Variants in TDRD3 observed in about 807,000 individuals in gnomAD.
TDRD3 encodes the protein tudor domain-containing protein 3.
Under a neutral mutation model 86.7 loss-of-function variants are expected in TDRD3, and 45 were observed. The observed-to-expected ratio is 0.52, with a 90% CI of 0.41 to 0.67. The LOEUF is 0.67. Ranked by LOEUF, TDRD3 falls within the 30% of genes least tolerant of loss-of-function variation. TDRD3 has a pLI of 0.00. For synonymous variants in TDRD3, 298 were observed against 301.7 expected, an observed-to-expected ratio of 0.99 and a Z score of 0.13; for missense variants, 814 against 889.0, an observed-to-expected ratio of 0.92 and a Z score of 1.07.
intron 10 of TDRD3, among the ~76,000 whole-genome samples, chr13:60,525,109 A>AC (rs1242554690): frequency 7.6e-5 from 10 of 131,134 alleles, no homozygotes; most frequent in African/African-American, 1.4e-4. Flanking sequence ...AAAAAAAAAA[A>AC]CCCCACAATT....
chr13:60,472,695 T>C (rs1956097850), intron 5 of TDRD3, among the ~76,000 whole-genome samples: 1 of 152,210 alleles, frequency 6.6e-6, no homozygotes, highest in Non-Finnish European at 1.5e-5. Context: ...AAAACAGGTC[T>C]TGAAGAAATA....
chr13:60,562,023 A>T (rs1958345963), intron 12 of TDRD3, among the ~76,000 whole-genome samples: 1 of 152,082 alleles, frequency 6.6e-6, no homozygotes, highest in African/African-American at 2.4e-5. Flanking sequence ...AGAGAATAAG[A>T]GCTGAGGCTG....
At chr13:60,545,627 T>C (rs1271598858) in intron 12 of TDRD3, among the ~76,000 whole-genome samples, 1 of 151,996 alleles carries the variant, frequency 6.6e-6, no homozygotes, top group Non-Finnish European at 1.5e-5. Context: ...AGGCTGAAAA[T>C]AATGTGGAGA....
Position 60,467,518 on chromosome 13 carries a change from T to C in TDRD3, c.495+139T>C, listed in dbSNP as rs1955973428. Reference sequence around the variant, plus strand: ...GGAATATGATTATCTTTAGAGAAACTATCTTTGTCTAAGTGTATTGTTTCT... The same window carrying C: ...GGAATATGATTATCTTTAGAGAAACCATCTTTGTCTAAGTGTATTGTTTCT... On this transcript the variant is annotated intron_variant, in intron 5 of 13. Coordinates refer to ENST00000377881, the MANE Select transcript of TDRD3 (RefSeq NM_001146070.2). 3.3e-6 allele frequency: 3 copies of C among 915,390 alleles called. No homozygotes were observed. In the African/African-American group the frequency reaches 5.1e-5, roughly 16 times the overall value. 56.7% of individuals were successfully genotyped at this position (915,390 alleles called of 1,614,324 possible). A position where few individuals can be genotyped will look rare whatever the true frequency, so the allele number is the denominator to read the frequency against.
rs565371323 is a variant in TDRD3 at position 60,544,802 on chromosome 13, A to T, written c.2118+9569A>T. 1.8e-4 allele frequency among the ~76,000 whole-genome samples: 28 copies of T among 152,340 alleles called. 1 individual carries two copies. Among genetic ancestry groups the T allele is most frequent in the African/African-American group, 6.7e-4 (28 of 41,582 alleles). Reference sequence around the variant, plus strand: ...CTCCAGAGCTCACTTGAGAGATTTCAAAGTGAGTTCATGCAAAGGAACTCT... The same window carrying T: ...CTCCAGAGCTCACTTGAGAGATTTCTAAGTGAGTTCATGCAAAGGAACTCT... On this transcript the variant is annotated intron_variant, in intron 12 of 13. Coordinates refer to ENST00000377881, the MANE Select transcript of TDRD3 (RefSeq NM_001146070.2).
intron 12 of TDRD3, among the ~76,000 whole-genome samples, chr13:60,564,153 G>A (rs568668555): frequency 1.3e-5 from 2 of 152,120 alleles, no homozygotes; most frequent in Non-Finnish European, 2.9e-5. Context: ...CATGGGTGAG[G>A]TAAGCAAAAG....
intron 1 of TDRD3, among the ~76,000 whole-genome samples, chr13:60,425,163 A>T (rs1319242528): frequency 6.6e-6 from 1 of 152,202 alleles, no homozygotes; most frequent in East Asian, 1.9e-4. Flanking sequence ...TTTGAAACAG[A>T]ATACATTAAA....
In TDRD3 at chr13:60,494,428, T is replaced by G. The variant is rs184764034; in HGVS notation, c.718-7T>G. On this transcript the variant is annotated splice_region_variant and splice_polypyrimidine_tract_variant and intron_variant, in intron 7 of 13. Transcript: ENST00000377881. ...ATACCTCTCTTTTATCTTTCTCTTA[T>G]GTAAAGACCAAGACATTTGGAGGAG... 1.2e-6 allele frequency: 2 copies of G among 1,610,754 alleles called. No homozygotes were observed. The highest frequency in any genetic ancestry group is 1.7e-6 in the Non-Finnish European group (2 of 1,178,200).
chr13:60,433,065 G>A (rs773440068), intron 1 of TDRD3, among the ~76,000 whole-genome samples: 3 of 152,020 alleles, frequency 2.0e-5, no homozygotes, highest in Non-Finnish European at 2.9e-5. Context: ...CATTTGTGAA[G>A]AATGTTTTCA....
At chr13:60,458,221 T>C (rs530499660) in intron 3 of TDRD3, among the ~76,000 whole-genome samples, 43 of 152,368 alleles carry the variant, frequency 2.8e-4, no homozygotes, top group Non-Finnish European at 5.3e-4. Context: ...GTCCTATTCC[T>C]GCCCTGTGTT....
chr13:60,433,818 C>T (rs1413016764), intron 1 of TDRD3, among the ~76,000 whole-genome samples: 1 of 152,184 alleles, frequency 6.6e-6, no homozygotes, highest in Non-Finnish European at 1.5e-5. Flanking sequence ...TTGCCTTGCT[C>T]CGTTTCATTA....
At chr13:60,570,097 C>T (rs1435572860) in intron 13 of TDRD3, among the ~76,000 whole-genome samples, 1 of 152,014 alleles carries the variant, frequency 6.6e-6, no homozygotes, top group Non-Finnish European at 1.5e-5. Flanking sequence ...TCCTACATAG[C>T]AAAGGAAACA....
Position 60,511,213 on chromosome 13 carries a change from A to T in TDRD3, c.1141+458A>T, listed in dbSNP as rs1003835586. 2.0e-5 allele frequency among the ~76,000 whole-genome samples: 3 copies of T among 152,338 alleles called. No individual in the cohort carries two copies. In the South Asian group the frequency reaches 6.2e-4, roughly 32 times the overall value. ...TGATTACTATATTGAAAAGAGAAGT[A>T]AGTATGGTAAATATGCAGCCTTTTT... is the stretch of plus-strand genomic sequence containing the variant. On this transcript the variant is annotated intron_variant, in intron 10 of 13. Coordinates refer to ENST00000377881, the MANE Select transcript of TDRD3 (RefSeq NM_001146070.2).
intron 12 of TDRD3, among the ~76,000 whole-genome samples, chr13:60,555,125 C>T (rs1430499827): frequency 6.6e-6 from 1 of 152,072 alleles, no homozygotes; most frequent in Non-Finnish European, 1.5e-5. Flanking sequence ...AGAAGGTTTT[C>T]TAAGCTTGGA....
At chr13:60,573,577 A>G (rs1958635595) in intron 13 of TDRD3, 39 bp from the exon 14 acceptor site, 1 of 983,338 alleles carries the variant, frequency 1.0e-6, no homozygotes, top group Non-Finnish European at 1.2e-6. Flanking sequence ...AGTTAATTTG[A>G]GGCTTCAATT....
chr13:60,547,705 T>C (rs980887701), intron 12 of TDRD3, among the ~76,000 whole-genome samples: 6 of 152,214 alleles, frequency 3.9e-5, no homozygotes, highest in African/African-American at 1.4e-4. Flanking sequence ...TACTTTTGTT[T>C]CTCCCTATCT....
chr13:60,516,254 G>T (rs1957166281), intron 10 of TDRD3, among the ~76,000 whole-genome samples: 1 of 152,182 alleles, frequency 6.6e-6, no homozygotes, highest in Non-Finnish European at 1.5e-5. Context: ...CCTTGGCTTG[G>T]ATGGACTTGT....
intron 13 of TDRD3, among the ~76,000 whole-genome samples, chr13:60,569,083 C>T (rs559235303): frequency 6.6e-6 from 1 of 152,256 alleles, no homozygotes; most frequent in East Asian, 1.9e-4. Flanking sequence ...GTCCTGCCAT[C>T]TCAGCCTCCC....
At chr13:60,456,794 CAA>C (rs1955684032) in intron 3 of TDRD3, among the ~76,000 whole-genome samples, 1 of 152,124 alleles carries the variant, frequency 6.6e-6, no homozygotes, top group Non-Finnish European at 1.5e-5. Flanking sequence ...CTCCCAGGCT[CAA>C]GAGATCCTGC....
Sources: gnomAD v4.1 joint callset for allele counts (sites outside exome capture counted in the v4.1 genomes callset) on GRCh38, gnomAD v4.1.1 for gene constraint, MANE v1.5 for transcripts, NCBI Gene and HGNC (gene_info 2026-07-23, HGNC 2026-07-21) for gene names.